LINGO2: variants seen among roughly 807,000 people sequenced by gnomAD.
The protein encoded by LINGO2 is leucine-rich repeat and immunoglobulin-like domain-containing nogo receptor-interacting protein 2.
Under a neutral mutation model 30.6 loss-of-function variants are expected in LINGO2, and 14 were observed. That is an observed-to-expected ratio of 0.46 (90% confidence interval 0.30 to 0.72). LINGO2 has a LOEUF of 0.72. Ranked by LOEUF, LINGO2 falls within the 30% of genes least tolerant of loss-of-function variation. The pLI is 0.07. For synonymous variants in LINGO2, 317 were observed against 288.5 expected (o/e 1.10, Z -1.00); for missense variants, 729 against 751.7 (o/e 0.97, Z 0.35).
At chr9:28,367,543 A>G (rs972923961) in intron 3 of LINGO2, among the ~76,000 whole-genome samples, 3 of 151,966 alleles carry the variant, frequency 2.0e-5, no homozygotes, top group Admixed American at 1.3e-4. Flanking sequence ...TTGGTGGAGC[A>G]TGTGGAAATT....
chr9:28,570,246 A>C, intron 1 of LINGO2, among the ~76,000 whole-genome samples: 1 of 151,962 alleles, frequency 6.6e-6, no homozygotes, highest in East Asian at 1.9e-4. Flanking sequence ...CTGAACAAAC[A>C]GGAAATGGTT....
intron 1 of LINGO2, among the ~76,000 whole-genome samples, chr9:28,491,681 T>C (rs1331901): frequency 0.66 from 100,927 of 152,116 alleles, 33,904 homozygotes; most frequent in South Asian, 0.74. Flanking sequence ...CACTGTGATA[T>C]ATCAGCTACA....
the LINGO2 span, among the ~76,000 whole-genome samples, chr9:28,893,250 T>C: frequency 6.6e-6 from 1 of 152,002 alleles, no homozygotes; most frequent in African/African-American, 2.4e-5. Context: ...GTATTACCCA[T>C]TGAATCCTGC....
At chr9:29,087,283 CA>C in the LINGO2 span, among the ~76,000 whole-genome samples, 1 of 152,144 alleles carries the variant, frequency 6.6e-6, no homozygotes, top group East Asian at 1.9e-4. Flanking sequence ...TGTGGTATGG[CA>C]GTGATGATGC....
chr9:27,956,217 C>T (rs1020696466), intron 5 of LINGO2, among the ~76,000 whole-genome samples: 6 of 152,170 alleles, frequency 3.9e-5, no homozygotes, highest in Non-Finnish European at 5.9e-5. Flanking sequence ...GTTGGGATTA[C>T]AGGCGTGAGT....
At chr9:28,494,374 C>G (rs867408480) in intron 1 of LINGO2, among the ~76,000 whole-genome samples, 1 of 152,074 alleles carries the variant, frequency 6.6e-6, no homozygotes, top group East Asian at 1.9e-4. Context: ...TCCTTCCCCC[C>G]ACCCCACTAC....
intron 4 of LINGO2, among the ~76,000 whole-genome samples, chr9:28,074,180 C>T (rs147752671): frequency 3.1e-4 from 47 of 152,160 alleles, no homozygotes; most frequent in African/African-American, 1.1e-3. Flanking sequence ...GCCTGGCTGA[C>T]AAGAGTTTAA....
chr9:28,937,696 G>T, the LINGO2 span, among the ~76,000 whole-genome samples: 1 of 152,136 alleles, frequency 6.6e-6, no homozygotes, highest in African/African-American at 2.4e-5. Flanking sequence ...AACCAGGAAG[G>T]AGACAGCCTT....
the LINGO2 span, among the ~76,000 whole-genome samples, chr9:28,777,838 A>G: frequency 6.6e-6 from 1 of 152,206 alleles, no homozygotes; most frequent in African/African-American, 2.4e-5. Context: ...ACTTCCACAA[A>G]TAAGACAGTG....
chr9:28,561,266 C>A (rs1439829746), intron 1 of LINGO2, among the ~76,000 whole-genome samples: 1 of 151,800 alleles, frequency 6.6e-6, no homozygotes, highest in Non-Finnish European at 1.5e-5. Context: ...CTGAAGACAT[C>A]ATTGGATAGA....
chr9:28,313,223 T>C (rs1254614839), intron 3 of LINGO2, among the ~76,000 whole-genome samples: 1 of 152,146 alleles, frequency 6.6e-6, no homozygotes, highest in Non-Finnish European at 1.5e-5. Context: ...AACCACTATA[T>C]TGGGAAATTG....
intron 4 of LINGO2, among the ~76,000 whole-genome samples, chr9:28,026,922 TCTC>T (rs1490192906): frequency 1.1e-4 from 16 of 152,166 alleles, no homozygotes; most frequent in Admixed American, 3.3e-4. Context: ...ACGACCTAGA[TCTC>T]CTGTGTGTGT....
intron 1 of LINGO2, among the ~76,000 whole-genome samples, chr9:28,499,370 A>G (rs1564245072): frequency 1.3e-5 from 2 of 152,310 alleles, no homozygotes; most frequent in Non-Finnish European, 2.9e-5. Flanking sequence ...GACCTGATAA[A>G]GTCTTGAGTG....
chr9:28,643,377 A>G (rs1827690434), intron 1 of LINGO2, among the ~76,000 whole-genome samples: 1 of 152,054 alleles, frequency 6.6e-6, no homozygotes, highest in Admixed American at 6.6e-5. Context: ...AGACCCCAGA[A>G]ACAAATTTAC....
chr9:28,015,992 A>C, intron 4 of LINGO2, among the ~76,000 whole-genome samples: 1 of 81,856 alleles, frequency 1.2e-5, no homozygotes, highest in Non-Finnish European at 2.6e-5. Context: ...GGAAAAGTAA[A>C]AGGGACAAAA....
At chr9:29,086,021 A>G in the LINGO2 span, among the ~76,000 whole-genome samples, 1 of 152,132 alleles carries the variant, frequency 6.6e-6, no homozygotes, top group Non-Finnish European at 1.5e-5. Context: ...GATATAAAGA[A>G]AGCTCAGTGG....
intron 4 of LINGO2, among the ~76,000 whole-genome samples, chr9:28,121,585 T>C (rs1047504505): frequency 2.0e-5 from 3 of 152,114 alleles, no homozygotes; most frequent in Admixed American, 2.0e-4. Context: ...AGATAGGCAA[T>C]CTAAATGAAA....
chr9:28,605,002 G>C (rs1045781380), intron 1 of LINGO2, among the ~76,000 whole-genome samples: 6 of 151,872 alleles, frequency 4.0e-5, no homozygotes, highest in African/African-American at 1.4e-4. Flanking sequence ...AGTGGAATTA[G>C]GGATTCAGAC....
chr9:28,878,209 C>A, the LINGO2 span, among the ~76,000 whole-genome samples: 1 of 152,078 alleles, frequency 6.6e-6, no homozygotes, highest in Admixed American at 6.6e-5. Flanking sequence ...ACTACAAACA[C>A]CTCTATGCAA....
Sources: gnomAD v4.1 joint callset for allele counts (sites outside exome capture counted in the v4.1 genomes callset) on GRCh38, gnomAD v4.1.1 for gene constraint, MANE v1.5 for transcripts, NCBI Gene and HGNC (gene_info 2026-07-23, HGNC 2026-07-21) for gene names.